SRGAP3: variants seen among roughly 807,000 people sequenced by gnomAD.
SRGAP3 encodes the protein SLIT-ROBO Rho GTPase-activating protein 3.
In SRGAP3, 39 loss-of-function variants were observed where a neutral mutation model predicts 121.1. The observed-to-expected ratio is 0.32, with a 90% CI of 0.25 to 0.42. The LOEUF (loss-of-function observed/expected upper bound fraction) is 0.42, where lower values mean the gene tolerates loss of function less well. Among genes scored for constraint, SRGAP3 ranks in the 10% least tolerant of loss-of-function variants. The pLI, the probability that SRGAP3 is intolerant of heterozygous loss-of-function variation, is 1.00. For missense variants in SRGAP3, 1,213 were observed against 1,470.6 expected (o/e 0.82, Z 2.86); for synonymous variants, 601 against 570.0 (o/e 1.05, Z -0.77).
Position 9,277,825 on chromosome 3 carries a change from A to C in SRGAP3, n.442+48185T>G, listed in dbSNP as rs564879825. 9.9e-5 allele frequency among the ~76,000 whole-genome samples: 15 copies of C among 152,222 alleles called. No homozygotes were observed. In the South Asian group the frequency reaches 2.7e-3, roughly 27 times the overall value. On this transcript the variant is annotated intron_variant and non_coding_transcript_variant, in intron 3 of 3. Transcript: ENST00000490889. The stretch of plus-strand genomic sequence containing the variant: ...AATAAATATTTGTGTCCCCTCCAAA[A>C]TGTGTATGTTGAAATCCCAACACTC...
At chr3:9,191,348 A>T (rs2125138358) in intron 1 of SRGAP3, among the ~76,000 whole-genome samples, 1 of 152,366 alleles carries the variant, frequency 6.6e-6, no homozygotes, top group South Asian at 2.1e-4. Flanking sequence ...AAAAACATAA[A>T]ATAAACATTT....
intron 21 of SRGAP3, among the ~76,000 whole-genome samples, chr3:8,987,174 AGGT>A (rs1351350388): frequency 1.3e-5 from 2 of 152,202 alleles, no homozygotes; most frequent in African/African-American, 4.8e-5. Context: ...GTAAACTGCC[AGGT>A]GGTGGTTTTC....
At chr3:9,160,938 C>A (rs533441570) in intron 1 of SRGAP3, among the ~76,000 whole-genome samples, 2 of 152,022 alleles carry the variant, frequency 1.3e-5, no homozygotes, top group African/African-American at 4.8e-5. Context: ...AATAATGAGT[C>A]CATGCTGATA....
intron 1 of SRGAP3, among the ~76,000 whole-genome samples, chr3:9,203,860 T>G (rs1420158557): frequency 6.6e-6 from 1 of 152,238 alleles, no homozygotes; most frequent in Non-Finnish European, 1.5e-5. Flanking sequence ...TTTCATTTGA[T>G]CCTCATAACA....
chr3:9,242,054 G>C (rs1953662366), intron 1 of SRGAP3, among the ~76,000 whole-genome samples: 1 of 142,610 alleles, frequency 7.0e-6, no homozygotes, highest in Admixed American at 7.2e-5. Flanking sequence ...CTCCAGCCTG[G>C]CTGACAGAAT....
At chr3:8,999,313 C>T (rs145275109) in intron 18 of SRGAP3, among the ~76,000 whole-genome samples, 44 of 152,342 alleles carry the variant, frequency 2.9e-4, no homozygotes, top group Non-Finnish European at 5.3e-4. Flanking sequence ...CTGGTGCGGC[C>T]TCTGAACTAG....
At chr3:9,134,819 C>G (rs986261999) in intron 1 of SRGAP3, among the ~76,000 whole-genome samples, 3 of 152,196 alleles carry the variant, frequency 2.0e-5, no homozygotes, top group African/African-American at 7.2e-5. Context: ...CTCAGGCCCT[C>G]CTCTGAGGAG....
At chr3:9,312,711 G>T (rs985738808) in intron 3 of SRGAP3, among the ~76,000 whole-genome samples, 1 of 152,196 alleles carries the variant, frequency 6.6e-6, no homozygotes, top group African/African-American at 2.4e-5. Flanking sequence ...AAGGCTGGGC[G>T]CAGTGATTCA....
chr3:9,301,764 C>A (rs1955059869), intron 3 of SRGAP3, among the ~76,000 whole-genome samples: 1 of 152,208 alleles, frequency 6.6e-6, no homozygotes, highest in Non-Finnish European at 1.5e-5. Flanking sequence ...AACTGCGTGA[C>A]CTGGGATAAA....
At chr3:9,060,855 C>T (rs528291545) in intron 5 of SRGAP3, among the ~76,000 whole-genome samples, 114 of 152,280 alleles carry the variant, frequency 7.5e-4, no homozygotes, top group South Asian at 1.5e-3. Context: ...TCAGGCAGCT[C>T]CCCTTACACC....
At chr3:9,136,586 T>A in intron 1 of SRGAP3, among the ~76,000 whole-genome samples, 1 of 152,228 alleles carries the variant, frequency 6.6e-6, no homozygotes, top group East Asian at 1.9e-4. Context: ...CATTCTTTAT[T>A]AACCTTTATC....
At chr3:9,146,743 G>A (rs1345531064) in intron 1 of SRGAP3, among the ~76,000 whole-genome samples, 1 of 152,174 alleles carries the variant, frequency 6.6e-6, no homozygotes, top group Non-Finnish European at 1.5e-5. Flanking sequence ...GAGAGCACCA[G>A]GACCAGGTGC....
At chr3:9,104,568 G>A in intron 3 of SRGAP3, 112 bp downstream of exon 3, 1 of 1,408,046 alleles carries the variant, frequency 7.1e-7, no homozygotes, top group Non-Finnish European at 1.0e-6. Flanking sequence ...CAATGCACCT[G>A]CCCCTCCTGG....
intron 3 of SRGAP3, chr3:9,325,966 G>C (rs1303807586): frequency 3.3e-5 from 5 of 151,876 alleles, no homozygotes; most frequent in Non-Finnish European, 7.4e-5. Context: ...TCACAACAAG[G>C]ATGCCATCTC....
At chr3:9,308,854 C>G (rs1382427015) in intron 3 of SRGAP3, among the ~76,000 whole-genome samples, 1 of 152,136 alleles carries the variant, frequency 6.6e-6, no homozygotes, top group African/African-American at 2.4e-5. Context: ...ACCCCACAGC[C>G]CATCGATCAT....
At chr3:9,022,346 T>A (rs1232700320) in intron 14 of SRGAP3, among the ~76,000 whole-genome samples, 1 of 151,932 alleles carries the variant, frequency 6.6e-6, no homozygotes, top group Non-Finnish European at 1.5e-5. Flanking sequence ...ACTAAATAAA[T>A]AAATAAAATA....
At chr3:9,253,790 G>T (rs1046413865), upstream of SRGAP3, among the ~76,000 whole-genome samples, 6 of 152,140 alleles carry the variant, frequency 3.9e-5, no homozygotes, top group African/African-American at 1.4e-4. Flanking sequence ...ATTTTGTAAG[G>T]CTCTTTCATA....
chr3:9,086,517 CAAAAAAA>C (rs1242587521), intron 3 of SRGAP3, among the ~76,000 whole-genome samples: 2 of 87,088 alleles, frequency 2.3e-5, no homozygotes, highest in Admixed American at 2.9e-4. Context: ...GAGACTGTTT[CAAAAAAA>C]AAAAAAAAAA....
intron 3 of SRGAP3, among the ~76,000 whole-genome samples, chr3:9,309,770 G>A (rs1261355503): frequency 1.3e-5 from 2 of 152,090 alleles, no homozygotes; most frequent in African/African-American, 2.4e-5. Flanking sequence ...GTGGTGGGAG[G>A]ACTGCTTGAA....
Sources: gnomAD v4.1 joint callset for allele counts (sites outside exome capture counted in the v4.1 genomes callset) on GRCh38, gnomAD v4.1.1 for gene constraint, MANE v1.5 for transcripts, NCBI Gene and HGNC (gene_info 2026-07-23, HGNC 2026-07-21) for gene names.